The following CSMD2 variants were observed in gnomAD, a reference collection of about 807,000 sequenced individuals.
The protein encoded by CSMD2 is CUB and Sushi multiple domains 2.
Under a neutral mutation model 398.5 loss-of-function variants are expected in CSMD2, and 130 were observed. The ratio of observed to expected loss-of-function variants is 0.33; its 90% CI spans 0.28 to 0.38. CSMD2 has a LOEUF of 0.38. Ranked by LOEUF, CSMD2 falls within the 10% of genes least tolerant of loss-of-function variation. The pLI, the probability that CSMD2 is intolerant of heterozygous loss-of-function variation, is 1.00. For synonymous variants in CSMD2, 1,828 were observed against 1,908.5 expected (o/e 0.96, Z 1.10); for missense variants, 3,829 against 4,764.9 (o/e 0.80, Z 5.78).
chr1:33,977,864 T>A (rs1414586870), intron 3 of CSMD2, among the ~76,000 whole-genome samples: 2 of 152,042 alleles, frequency 1.3e-5, no homozygotes, highest in African/African-American at 4.8e-5. Flanking sequence ...AAACATTAAA[T>A]TAGAAAAAAA....
At chr1:33,922,090 C>T (rs77734489) in intron 4 of CSMD2, among the ~76,000 whole-genome samples, 46 of 152,222 alleles carry the variant, frequency 3.0e-4, no homozygotes, top group African/African-American at 9.1e-4. Context: ...CAGGAAGTGA[C>T]GGCCCTTCCT....
At chr1:34,155,156 A>T (rs1368736624) in intron 1 of CSMD2, among the ~76,000 whole-genome samples, 2 of 152,236 alleles carry the variant, frequency 1.3e-5, no homozygotes, top group African/African-American at 4.8e-5. Context: ...AGTTTTGCAC[A>T]GAGAGGTGAT....
At chr1:33,852,800 T>C (rs1638812405) in intron 5 of CSMD2, among the ~76,000 whole-genome samples, 1 of 152,250 alleles carries the variant, frequency 6.6e-6, no homozygotes, top group Admixed American at 6.5e-5. Flanking sequence ...TGGCAAACTA[T>C]AGCTTGCTGC....
At chr1:33,525,587 A>G (rs1236715917) in intron 65 of CSMD2, among the ~76,000 whole-genome samples, 1 of 152,208 alleles carries the variant, frequency 6.6e-6, no homozygotes, top group Non-Finnish European at 1.5e-5. Context: ...AAGGGTACAA[A>G]GTTTCCATTA....
intron 19 of CSMD2, among the ~76,000 whole-genome samples, chr1:33,720,793 G>T (rs1646334847): frequency 6.6e-6 from 1 of 152,162 alleles, no homozygotes; most frequent in Admixed American, 6.5e-5. Context: ...TGCCTCCTGG[G>T]TTTAAGCAAT....
chr1:34,089,341 AC>A (rs1658289866), intron 1 of CSMD2, 148 bp from the exon 2 acceptor site: 1 of 703,696 alleles, frequency 1.4e-6, no homozygotes. Flanking sequence ...CGAGGGAGGT[AC>A]AAAGGGTGAC....
At chr1:33,775,835 G>T (rs770420077) in intron 12 of CSMD2, among the ~76,000 whole-genome samples, 1 of 152,234 alleles carries the variant, frequency 6.6e-6, no homozygotes, top group Non-Finnish European at 1.5e-5. Flanking sequence ...TCTAGGACAG[G>T]ACAGTTAGGA....
intron 10 of CSMD2, among the ~76,000 whole-genome samples, chr1:33,810,485 T>G (rs1656736934): frequency 6.6e-6 from 1 of 152,132 alleles, no homozygotes; most frequent in Non-Finnish European, 1.5e-5. Context: ...GGAACCTGCA[T>G]CACTAAGGTA....
intron 1 of CSMD2, among the ~76,000 whole-genome samples, chr1:34,110,607 A>C (rs1660983271): frequency 6.6e-6 from 1 of 152,210 alleles, no homozygotes; most frequent in Non-Finnish European, 1.5e-5. Context: ...TATCCTTAGC[A>C]AACCAACACA....
chr1:34,083,019 G>A (rs1002916911), intron 2 of CSMD2, among the ~76,000 whole-genome samples: 2 of 150,778 alleles, frequency 1.3e-5, no homozygotes, highest in Non-Finnish European at 2.9e-5. Context: ...ATTGTCCTAT[G>A]ACCCTGCCAA....
chr1:33,811,931 A>G (rs12567228), intron 9 of CSMD2, among the ~76,000 whole-genome samples: 17,529 of 152,240 alleles, frequency 0.12, 1,213 homozygotes, highest in East Asian at 0.26. Flanking sequence ...GCTTAACTAT[A>G]TAAAATGAAA....
At chr1:33,557,628 A>G in intron 55 of CSMD2, 106 bp downstream of exon 55, 8 of 825,464 alleles carry the variant, frequency 9.7e-6, no homozygotes, top group Non-Finnish European at 1.4e-5. Flanking sequence ...ACACACACAC[A>G]CACACACACA....
In CSMD2 at chr1:33,559,598, C is replaced by T; in HGVS notation, c.8381-125G>A. The T allele has an allele frequency of 1.2e-6, 1 of 817,948 alleles. No homozygotes were observed. 50.7% of individuals were successfully genotyped at this position (817,948 alleles called of 1,614,324 possible). A position where few individuals can be genotyped will look rare whatever the true frequency, so the allele number is the denominator to read the frequency against. ...TCAGCCCTAAGTCTAACTTCAATCT[C>T]TTTTGCTGTAAAACCTTTATAAACT... On this transcript the variant is annotated intron_variant, in intron 53 of 70. Transcript: ENST00000373381. The surrounding 1 kb of genome is among the most constrained non-coding windows in gnomAD (Gnocchi z 4.0).
intron 33 of CSMD2, 98 bp downstream of exon 33, chr1:33,626,388 G>A: frequency 1.3e-6 from 1 of 772,656 alleles, no homozygotes; most frequent in Non-Finnish European, 2.0e-6. Flanking sequence ...CCTGAGAAAG[G>A]GACTCAGACT....
chr1:33,664,945 C>G (rs567483116), intron 25 of CSMD2, among the ~76,000 whole-genome samples: 2 of 152,126 alleles, frequency 1.3e-5, no homozygotes, highest in African/African-American at 4.8e-5. Flanking sequence ...CTCTAAAGTT[C>G]ACCTCATCAG....
At chr1:34,122,740 C>T (rs188442193) in intron 1 of CSMD2, among the ~76,000 whole-genome samples, 47 of 152,338 alleles carry the variant, frequency 3.1e-4, no homozygotes, top group Non-Finnish European at 1.5e-5. Flanking sequence ...GAAATTCCTA[C>T]ACCCATGCAA....
intron 3 of CSMD2, among the ~76,000 whole-genome samples, chr1:33,966,966 T>A (rs1645578116): frequency 6.6e-6 from 1 of 152,174 alleles, no homozygotes; most frequent in South Asian, 2.1e-4. Context: ...AGCTGACCTT[T>A]AAGTACGAGA....
chr1:33,652,583 C>CT, intron 27 of CSMD2, 122 bp from the exon 28 acceptor site: 1 of 1,076,158 alleles, frequency 9.3e-7, no homozygotes, highest in Non-Finnish European at 1.3e-6. Context: ...TTGAACCTGG[C>CT]TTAGGGACTC....
chr1:33,553,221 C>T (rs1490560924), intron 55 of CSMD2, among the ~76,000 whole-genome samples: 1 of 152,166 alleles, frequency 6.6e-6, no homozygotes, highest in East Asian at 1.9e-4. Flanking sequence ...CCTAACAGCA[C>T]CATTTTCCCA....
Sources: allele counts gnomAD v4.1 joint callset (sites outside exome capture counted in the v4.1 genomes callset), GRCh38; gene constraint gnomAD v4.1.1; non-coding constraint Gnocchi (gnomAD v3.1); transcripts MANE v1.5; gene names NCBI Gene and HGNC (gene_info 2026-07-23, HGNC 2026-07-21).